GPC5: variants seen among roughly 807,000 people sequenced by gnomAD.
The protein encoded by GPC5 is glypican 5, also known as glypican-5.
Under a neutral mutation model 53.9 loss-of-function variants are expected in GPC5, and 47 were observed. The ratio of observed to expected loss-of-function variants is 0.87; its 90% confidence interval spans 0.69 to 1.11. The LOEUF (loss-of-function observed/expected upper bound fraction) is 1.11. Ranked by LOEUF, GPC5 falls within the 50% of genes most tolerant of loss-of-function variation. GPC5 has a pLI of 0.00. For missense variants in GPC5, 748 were observed against 713.1 expected (o/e 1.05, Z -0.56); for synonymous variants, 286 against 263.3 (o/e 1.09, Z -0.84).
chr13:92,692,212 T>A, intron 7 of GPC5, among the ~76,000 whole-genome samples: 1 of 152,174 alleles, frequency 6.6e-6, no homozygotes, highest in Non-Finnish European at 1.5e-5. Context: ...TGACTTCATT[T>A]TTTTTATGGC....
intron 2 of GPC5, among the ~76,000 whole-genome samples, chr13:91,577,107 T>G (rs2032167177): frequency 6.6e-6 from 1 of 152,104 alleles, no homozygotes; most frequent in African/African-American, 2.4e-5. Context: ...GTGAACAGAT[T>G]ATTGGTTCTT....
intron 7 of GPC5, among the ~76,000 whole-genome samples, chr13:92,657,617 T>A (rs545698367): frequency 1.2e-4 from 16 of 139,108 alleles, no homozygotes; most frequent in African/African-American, 3.9e-4. Context: ...AATTCCAAAG[T>A]TGAAGTATGG....
At chr13:91,567,577 A>G (rs1246075550) in intron 2 of GPC5, among the ~76,000 whole-genome samples, 1 of 152,112 alleles carries the variant, frequency 6.6e-6, no homozygotes, top group Non-Finnish European at 1.5e-5. Context: ...AGAAGCAGTT[A>G]TTTGGCTGGG....
chr13:92,401,319 A>G (rs1009680135), intron 7 of GPC5, among the ~76,000 whole-genome samples: 6 of 151,472 alleles, frequency 4.0e-5, no homozygotes, highest in African/African-American at 1.5e-4. Context: ...GTGTAGATGT[A>G]TATTAAATAA....
At chr13:92,016,016 A>G (rs1343031574) in intron 6 of GPC5, among the ~76,000 whole-genome samples, 1 of 152,186 alleles carries the variant, frequency 6.6e-6, no homozygotes, top group Non-Finnish European at 1.5e-5. Flanking sequence ...AAAAGGCACA[A>G]TCACTTCTGA....
chr13:92,439,449 T>G (rs1322344971), intron 7 of GPC5, among the ~76,000 whole-genome samples: 1 of 152,192 alleles, frequency 6.6e-6, no homozygotes, highest in Non-Finnish European at 1.5e-5. Context: ...ACTTTCTTTT[T>G]CTATAATATT....
intron 5 of GPC5, among the ~76,000 whole-genome samples, chr13:91,868,917 G>A (rs921442876): frequency 2.6e-5 from 4 of 152,132 alleles, no homozygotes; most frequent in Admixed American, 6.5e-5. Context: ...TATGCAAGAC[G>A]GATGGGCCTA....
intron 7 of GPC5, among the ~76,000 whole-genome samples, chr13:92,328,568 T>C (rs7987423): frequency 0.11 from 16,453 of 152,150 alleles, 973 homozygotes; most frequent in Middle Eastern, 0.15. Flanking sequence ...CCAGAGTTCA[T>C]TGTCGAAATG....
chr13:91,891,487 A>G (rs2039386044), intron 5 of GPC5, among the ~76,000 whole-genome samples: 1 of 152,178 alleles, frequency 6.6e-6, no homozygotes, highest in Admixed American at 6.5e-5. Flanking sequence ...GCAAATTTTT[A>G]TTGAATTTAT....
chr13:91,576,192 A>G (rs9589298), intron 2 of GPC5, among the ~76,000 whole-genome samples: 51,732 of 151,842 alleles, frequency 0.34, 9,200 homozygotes, highest in African/African-American at 0.46. Flanking sequence ...TCTTATATCA[A>G]GGTAGCTATG....
chr13:91,603,215 AC>A (rs1489970488), intron 2 of GPC5, among the ~76,000 whole-genome samples: 2 of 152,186 alleles, frequency 1.3e-5, no homozygotes. Context: ...TCTCATCCAG[AC>A]CACCTGGCAG....
At chr13:92,245,053 A>G (rs1313318495) in intron 7 of GPC5, among the ~76,000 whole-genome samples, 1 of 151,264 alleles carries the variant, frequency 6.6e-6, no homozygotes, top group Non-Finnish European at 1.5e-5. Context: ...AAAAAAAAAA[A>G]ACTTGCACAT....
rs74408404 is a variant in GPC5 at position 92,015,145 on chromosome 13, G to C, written c.1401+107088G>C. On this transcript the variant is annotated intron_variant, in intron 6 of 7. Coordinates refer to ENST00000377067, the MANE Select transcript of GPC5 (RefSeq NM_004466.6). ...GAGACATTTTTGGTTGTTTCCTCGG[G>C]GAAAGGGTTGGTATTGATATCCAGC... is the stretch of plus-strand genomic sequence containing the variant. Among the ~76,000 whole-genome samples, 25 of 152,212 alleles carry C rather than the reference G, an allele frequency of 1.6e-4. No individual in the cohort carries two copies. In the East Asian group the frequency reaches 4.8e-3, roughly 29 times the overall value.
intron 6 of GPC5, among the ~76,000 whole-genome samples, chr13:92,080,805 C>G (rs1182268427): frequency 2.0e-5 from 3 of 152,164 alleles, no homozygotes; most frequent in East Asian, 3.9e-4. Flanking sequence ...AAGTTTCTAA[C>G]CACTTGTCCT....
At chr13:92,030,703 G>C (rs889399230) in intron 6 of GPC5, among the ~76,000 whole-genome samples, 3 of 152,142 alleles carry the variant, frequency 2.0e-5, no homozygotes, top group African/African-American at 7.2e-5. Flanking sequence ...GTACAAAGAG[G>C]ACCCTGAAGA....
At chr13:92,429,804 A>G (rs1157895500) in intron 7 of GPC5, among the ~76,000 whole-genome samples, 1 of 152,158 alleles carries the variant, frequency 6.6e-6, no homozygotes, top group African/African-American at 2.4e-5. Context: ...TTTTGTAATC[A>G]TTAAGAATTA....
intron 7 of GPC5, among the ~76,000 whole-genome samples, chr13:92,382,178 G>T (rs147120732): frequency 1.3e-5 from 2 of 151,926 alleles, no homozygotes; most frequent in Non-Finnish European, 2.9e-5. Flanking sequence ...AGGACGCAAA[G>T]GCATAAGAAT....
At chr13:92,235,356 T>C (rs2042562155) in intron 7 of GPC5, among the ~76,000 whole-genome samples, 1 of 152,148 alleles carries the variant, frequency 6.6e-6, no homozygotes, top group African/African-American at 2.4e-5. Flanking sequence ...TCATTAGAAC[T>C]ATTTTTGTCA....
chr13:91,723,923 TG>T (rs1334405663), intron 3 of GPC5, among the ~76,000 whole-genome samples: 1 of 152,180 alleles, frequency 6.6e-6, no homozygotes, highest in Non-Finnish European at 1.5e-5. Context: ...TTCCTAAATT[TG>T]TTCTCATTGA....
Sources: allele counts gnomAD v4.1 joint callset (sites outside exome capture counted in the v4.1 genomes callset), GRCh38; gene constraint gnomAD v4.1.1; transcripts MANE v1.5; gene names NCBI Gene and HGNC (gene_info 2026-07-23, HGNC 2026-07-21).